The following PCDH15 variants were observed in gnomAD, a reference collection of about 807,000 sequenced individuals.
The protein encoded by PCDH15 is protocadherin related 15, also known as protocadherin-15.
A neutral mutation model predicts 178.5 loss-of-function variants in PCDH15; 129 were observed. That is an observed-to-expected ratio of 0.72 (90% confidence interval 0.63 to 0.84). PCDH15 has a LOEUF of 0.84. Among genes scored for constraint, PCDH15 ranks in the 40% least tolerant of loss-of-function variants. The pLI, the probability that PCDH15 is intolerant of heterozygous loss-of-function variation, is 0.00. For missense variants in PCDH15, 2,230 were observed against 2,099.9 expected, an observed-to-expected ratio of 1.06 and a Z score of -1.21; for synonymous variants, 800 against 732.0, an observed-to-expected ratio of 1.09 and a Z score of -1.50.
chr10:54,570,651 AT>A (rs538190066), intron 2 of PCDH15, among the ~76,000 whole-genome samples: 12 of 151,072 alleles, frequency 7.9e-5, no homozygotes, highest in South Asian at 2.1e-4. Context: ...ACTTGTGTCC[AT>A]TTTTTTTCCT....
intron 2 of PCDH15, among the ~76,000 whole-genome samples, chr10:55,509,055 C>T (rs1198667951): frequency 6.6e-6 from 1 of 151,608 alleles, no homozygotes; most frequent in East Asian, 1.9e-4. Context: ...AACCTTGATG[C>T]AAATACATGA....
chr10:54,145,388 G>A (rs2043807137), intron 14 of PCDH15, among the ~76,000 whole-genome samples: 2 of 151,656 alleles, frequency 1.3e-5, no homozygotes, highest in Admixed American at 1.3e-4. Context: ...TGCTTTTTCT[G>A]GTAGATTTCA....
intron 2 of PCDH15, among the ~76,000 whole-genome samples, chr10:55,159,979 A>G (rs1839018546): frequency 6.6e-6 from 1 of 151,896 alleles, no homozygotes; most frequent in South Asian, 2.1e-4. Context: ...ACACTTAAAC[A>G]TTTATTTGGA....
intron 2 of PCDH15, among the ~76,000 whole-genome samples, chr10:55,428,605 CT>C (rs1838812801): frequency 6.6e-6 from 1 of 151,670 alleles, no homozygotes; most frequent in Non-Finnish European, 1.5e-5. Context: ...AGAGACAGCG[CT>C]ATGTGTTCAT....
intron 3 of PCDH15, among the ~76,000 whole-genome samples, chr10:54,435,207 G>A (rs2075303015): frequency 1.3e-5 from 2 of 152,026 alleles, no homozygotes; most frequent in African/African-American, 4.8e-5. Flanking sequence ...GGTCTTCTAT[G>A]TCCTAGACAC....
intron 2 of PCDH15, among the ~76,000 whole-genome samples, chr10:55,482,815 G>A (rs990246430): frequency 6.6e-6 from 1 of 151,640 alleles, no homozygotes; most frequent in Admixed American, 6.6e-5. Context: ...ATCTTCTCCT[G>A]GAGTATCTTA....
intron 3 of PCDH15, among the ~76,000 whole-genome samples, chr10:54,849,313 T>C (rs994036598): frequency 6.6e-6 from 1 of 152,216 alleles, no homozygotes; most frequent in Non-Finnish European, 1.5e-5. Flanking sequence ...CTGAGCTCTT[T>C]GAGTCAAGCC....
At chr10:55,252,311 C>T (rs1478391782) in intron 1 of PCDH15, among the ~76,000 whole-genome samples, 2 of 152,120 alleles carry the variant, frequency 1.3e-5, no homozygotes, top group African/African-American at 4.8e-5. Context: ...AGCTGTAGCA[C>T]ATCCAACCAT....
chr10:54,545,645 A>G (rs187293496), intron 2 of PCDH15, among the ~76,000 whole-genome samples: 2 of 152,284 alleles, frequency 1.3e-5, no homozygotes, highest in African/African-American at 2.4e-5. Context: ...TGTCCTTTGA[A>G]TGAAAAATTT....
chr10:54,332,280 T>A (rs1939829784), intron 6 of PCDH15, among the ~76,000 whole-genome samples: 1 of 106,112 alleles, frequency 9.4e-6, no homozygotes, highest in African/African-American at 3.4e-5. Flanking sequence ...ATATATAATA[T>A]AATATAATCT....
At chr10:53,820,479 C>T (rs1481159427) in intron 32 of PCDH15, among the ~76,000 whole-genome samples, 9 of 151,838 alleles carry the variant, frequency 5.9e-5, no homozygotes. Context: ...CATATACTTC[C>T]AATAGTAATT....
intron 18 of PCDH15, among the ~76,000 whole-genome samples, chr10:54,031,186 T>C (rs945447014): frequency 6.6e-6 from 1 of 152,024 alleles, no homozygotes; most frequent in Non-Finnish European, 1.5e-5. Flanking sequence ...TACAATGTAC[T>C]ACCCTGGTTT....
At chr10:54,135,007 C>G (rs1024815313) in intron 14 of PCDH15, among the ~76,000 whole-genome samples, 1 of 151,310 alleles carries the variant, frequency 6.6e-6, no homozygotes, top group Non-Finnish European at 1.5e-5. Flanking sequence ...AGTTCAAGAC[C>G]AGCATGACCA....
intron 3 of PCDH15, among the ~76,000 whole-genome samples, chr10:54,844,435 T>C (rs867011090): frequency 6.1e-4 from 93 of 152,100 alleles, no homozygotes; most frequent in East Asian, 1.2e-3. Context: ...TATGCCTTCA[T>C]AGTGCTGACA....
chr10:53,967,501 G>T (rs997496819), intron 21 of PCDH15, among the ~76,000 whole-genome samples: 5 of 152,088 alleles, frequency 3.3e-5, no homozygotes, highest in Non-Finnish European at 7.4e-5. Context: ...AGAACTCCTG[G>T]CCTCAAGTGT....
intron 18 of PCDH15, among the ~76,000 whole-genome samples, chr10:54,052,661 T>C (rs764907102): frequency 1.3e-5 from 2 of 152,170 alleles, no homozygotes; most frequent in Non-Finnish European, 2.9e-5. Flanking sequence ...AATGCTGCAA[T>C]GACTTAAGAC....
intron 1 of PCDH15, among the ~76,000 whole-genome samples, chr10:55,275,705 C>CTT (rs200162578): frequency 7.2e-6 from 1 of 139,738 alleles, no homozygotes; most frequent in African/African-American, 2.6e-5. Context: ...ACTTGTCTCT[C>CTT]TTTTTTTTTT....
At chr10:55,355,282 G>T (rs541259710) in intron 2 of PCDH15, among the ~76,000 whole-genome samples, 18 of 152,082 alleles carry the variant, frequency 1.2e-4, no homozygotes, top group Non-Finnish European at 2.5e-4. Flanking sequence ...CCGAAGATTG[G>T]ATTGCTCGGT....
chr10:54,875,766 G>T (rs1201062485), intron 3 of PCDH15, among the ~76,000 whole-genome samples: 1 of 152,122 alleles, frequency 6.6e-6, no homozygotes, highest in African/African-American at 2.4e-5. Flanking sequence ...CAGAAGAAAA[G>T]GTTGAAGCTA....
Sources: gnomAD v4.1 joint callset for allele counts (sites outside exome capture counted in the v4.1 genomes callset) on GRCh38, gnomAD v4.1.1 for gene constraint, MANE v1.5 for transcripts, NCBI Gene and HGNC (gene_info 2026-07-23, HGNC 2026-07-21) for gene names.